The following PRH1 variants were observed in gnomAD, a reference collection of about 807,000 sequenced individuals.
PRH1 encodes proline rich protein HaeIII subfamily 1.
A neutral mutation model predicts 7.9 loss-of-function variants in PRH1; 7 were observed. That is an observed-to-expected ratio of 0.89 (90% CI 0.50 to 1.67). PRH1 has a LOEUF of 1.67. Ranked by LOEUF, PRH1 falls within the 40% of genes most tolerant of loss-of-function variation. PRH1 has a pLI of 0.00. For missense variants in PRH1, 109 were observed against 223.6 expected, an observed-to-expected ratio of 0.49 and a Z score of 3.27; for synonymous variants, 45 against 80.8, an observed-to-expected ratio of 0.56 and a Z score of 2.38.
chr12:10,973,766 T>A lies in PRH1; in HGVS notation c.-125-45A>T, dbSNP rs117815616. On this transcript the variant is annotated intron_variant, in intron 1 of 3. Transcript: ENST00000539853. ...AGGCCAAAATTATATTTTCAATTCATCGGAGAGCTGTGCAAACAAGGAGGG... is the reference window on the plus strand; with the variant it reads ...AGGCCAAAATTATATTTTCAATTCAACGGAGAGCTGTGCAAACAAGGAGGG... 586 of 769,894 alleles carry A rather than the reference T, an allele frequency of 7.6e-4. 8 individuals are homozygous for A. The East Asian group carries it at 0.012, about 15-fold the overall frequency. 47.7% of individuals were successfully genotyped at this position (769,894 alleles called of 1,614,324 possible).
At chr12:10,957,247 G>A (rs534124463) in intron 2 of PRH1, among the ~76,000 whole-genome samples, 8 of 151,800 alleles carry the variant, frequency 5.3e-5, no homozygotes, top group Non-Finnish European at 8.8e-5. Context: ...ATAGAGACCC[G>A]AGAAATAATG....
chr12:11,146,667 T>C (rs1231207343), intron 1 of PRH1, among the ~76,000 whole-genome samples: 1 of 152,144 alleles, frequency 6.6e-6, no homozygotes, highest in African/African-American at 2.4e-5. Flanking sequence ...CCTGAATTTA[T>C]AAAATAATTT....
chr12:11,048,163 T>G (rs993171916), upstream of PRH1, among the ~76,000 whole-genome samples: 1 of 115,378 alleles, frequency 8.7e-6, no homozygotes, highest in African/African-American at 2.9e-5. Flanking sequence ...TGTGTGTGTA[T>G]AGATAGATAG....
chr12:10,999,133 T>C (rs1940453934), intron 1 of PRH1, among the ~76,000 whole-genome samples: 1 of 152,076 alleles, frequency 6.6e-6, no homozygotes, highest in South Asian at 2.1e-4. Context: ...ATGTGAGATA[T>C]AAATATCTAA....
intron 1 of PRH1, among the ~76,000 whole-genome samples, chr12:11,012,637 G>A (rs1941115798): frequency 6.6e-6 from 1 of 152,052 alleles, no homozygotes; most frequent in South Asian, 2.1e-4. Flanking sequence ...GTTCACTACA[G>A]CTTTGTACTC....
At chr12:10,988,601 A>C (rs1279827489) in intron 1 of PRH1, among the ~76,000 whole-genome samples, 1 of 152,142 alleles carries the variant, frequency 6.6e-6, no homozygotes, top group Admixed American at 6.5e-5. Context: ...TTTTAAATAC[A>C]ATTATAATGC....
chr12:11,047,718 T>G (rs1486957797), upstream of PRH1, among the ~76,000 whole-genome samples: 2 of 152,096 alleles, frequency 1.3e-5, no homozygotes, highest in African/African-American at 4.8e-5. Context: ...CATACAAAAT[T>G]TACTCTACTT....
intron 1 of PRH1, among the ~76,000 whole-genome samples, chr12:11,023,246 C>T (rs2136078173): frequency 6.6e-6 from 1 of 152,266 alleles, no homozygotes; most frequent in South Asian, 2.1e-4. Context: ...GACACACATG[C>T]ACTCACACCC....
intron 2 of PRH1, among the ~76,000 whole-genome samples, chr12:10,942,879 T>C (rs1950425244): frequency 6.6e-6 from 1 of 152,214 alleles, no homozygotes; most frequent in South Asian, 2.1e-4. Flanking sequence ...GGGCCTTTTC[T>C]ACTGCTCCCT....
intron 2 of PRH1, among the ~76,000 whole-genome samples, chr12:10,961,989 C>G (rs1439367057): frequency 6.6e-6 from 1 of 152,210 alleles, no homozygotes; most frequent in Non-Finnish European, 1.5e-5. Context: ...CACGTTCTTT[C>G]ACATCTGCTC....
At chr12:10,927,197 C>A (rs577974046) in intron 2 of PRH1, among the ~76,000 whole-genome samples, 1 of 152,200 alleles carries the variant, frequency 6.6e-6, no homozygotes, top group Non-Finnish European at 1.5e-5. Context: ...AAGGAGAAAT[C>A]TGTCTTTCAC....
chr12:11,022,342 CCATATAAAG>C, intron 1 of PRH1: 1 of 1,614,042 alleles, frequency 6.2e-7, no homozygotes, highest in Non-Finnish European at 8.5e-7. Context: ...TACTTCTAAA[CCATATAAAG>C]CAGAATTAAA....
chr12:10,990,943 T>C (rs1201509913), intron 1 of PRH1, among the ~76,000 whole-genome samples: 1 of 152,192 alleles, frequency 6.6e-6, no homozygotes, highest in Admixed American at 6.5e-5. Context: ...GGAAAGGCTA[T>C]AGAAGAAACA....
chr12:11,136,150 T>A (rs1240787232), intron 1 of PRH1, among the ~76,000 whole-genome samples: 2 of 152,180 alleles, frequency 1.3e-5, no homozygotes, highest in Non-Finnish European at 2.9e-5. Flanking sequence ...TTTCCTTAAT[T>A]TTCTTCACAC....
intron 2 of PRH1, among the ~76,000 whole-genome samples, chr12:10,924,975 T>C (rs968836209): frequency 1.3e-5 from 2 of 152,214 alleles, no homozygotes; most frequent in Non-Finnish European, 2.9e-5. Flanking sequence ...ATGGATTTCT[T>C]GAAGGGTGTT....
chr12:10,928,674 A>G (rs1044831718), intron 2 of PRH1, among the ~76,000 whole-genome samples: 1 of 152,226 alleles, frequency 6.6e-6, no homozygotes, highest in Non-Finnish European at 1.5e-5. Context: ...TCTGTCATCT[A>G]TGTGTACCCA....
upstream of PRH1, chr12:11,047,226 T>C (rs1302739921): frequency 3.0e-6 from 1 of 330,362 alleles, no homozygotes; most frequent in African/African-American, 2.1e-5. Context: ...AAAGAGATGC[T>C]TGAGGAGCCT....
chr12:10,887,210 T>C (rs191497589), upstream of PRH1, among the ~76,000 whole-genome samples: 93 of 152,264 alleles, frequency 6.1e-4, no homozygotes, highest in African/African-American at 2.2e-3. Context: ...ACACTAAAGA[T>C]GGTTTGCCAG....
intron 1 of PRH1, among the ~76,000 whole-genome samples, chr12:10,993,071 C>T (rs1940021445): frequency 6.6e-6 from 1 of 152,184 alleles, no homozygotes; most frequent in South Asian, 2.1e-4. Context: ...CTGGCTTCTG[C>T]CAAAGCCAGA....
Sources: allele counts gnomAD v4.1 joint callset (sites outside exome capture counted in the v4.1 genomes callset), GRCh38; gene constraint gnomAD v4.1.1; transcripts MANE v1.5; gene names NCBI Gene and HGNC (gene_info 2026-07-23, HGNC 2026-07-21).